Variants in TGFBR3 observed in about 807,000 individuals in gnomAD.
The protein encoded by TGFBR3 is transforming growth factor beta receptor 3, also known as transforming growth factor beta receptor type 3.
TGFBR3 carries 46 observed loss-of-function variants against 87.9 expected under a neutral mutation model. That is an observed-to-expected ratio of 0.52 (90% CI 0.41 to 0.67). The LOEUF is 0.67. Among genes scored for constraint, TGFBR3 ranks in the 30% least tolerant of loss-of-function variants. The pLI is 0.00. For synonymous variants in TGFBR3, 381 were observed against 391.6 expected (o/e 0.97, Z 0.32); for missense variants, 866 against 1,041.9 (o/e 0.83, Z 2.32).
At chr1:91,685,813 T>C (rs1416275675) in intron 16 of TGFBR3, among the ~76,000 whole-genome samples, 1 of 152,160 alleles carries the variant, frequency 6.6e-6, no homozygotes, top group Admixed American at 6.5e-5. Flanking sequence ...TTAACTATTC[T>C]GAGGTCAAAA....
At chr1:91,864,192 T>C (rs1053176765) in intron 1 of TGFBR3, 3 of 152,248 alleles carry the variant, frequency 2.0e-5, no homozygotes, top group African/African-American at 4.8e-5. Flanking sequence ...GAATATTTAA[T>C]GAGCTTGCGT....
At chr1:91,826,848 T>A (rs1676658497) in intron 2 of TGFBR3, among the ~76,000 whole-genome samples, 1 of 151,974 alleles carries the variant, frequency 6.6e-6, no homozygotes, top group African/African-American at 2.4e-5. Flanking sequence ...GGGTCTCATT[T>A]CCTCCCGTCA....
rs1362998231 is a variant in TGFBR3, at chr1:91,864,078, GAC to G, written c.-113-2436_-113-2435del. The G allele has an allele frequency of 2.0e-5, 3 of 152,290 alleles. No individual in the cohort carries two copies. In the East Asian group the frequency reaches 5.8e-4, roughly 29 times the overall value. The allele number at this position is 152,290 out of a possible 1,614,324, so 9.4% of individuals were successfully genotyped here. On this transcript the variant is annotated intron_variant, in intron 1 of 16. Transcript: ENST00000212355. ...ATATGCTATTTCAGCAAATGTTAAA[GAC>G]AACTTTTATAAAGCAAATCCCTGTA...
chr1:91,748,320 T>A (rs1673417479), intron 4 of TGFBR3, among the ~76,000 whole-genome samples: 1 of 152,160 alleles, frequency 6.6e-6, no homozygotes, highest in African/African-American at 2.4e-5. Flanking sequence ...ATATTTAGCA[T>A]CAATTAACAA....
chr1:91,757,541 G>C (rs1673790871), intron 4 of TGFBR3, among the ~76,000 whole-genome samples: 1 of 152,060 alleles, frequency 6.6e-6, no homozygotes, highest in African/African-American at 2.4e-5. Context: ...TTCTTGCCTG[G>C]TCAACTTTTA....
At chr1:91,770,548 T>G (rs1674342233) in intron 3 of TGFBR3, among the ~76,000 whole-genome samples, 1 of 152,208 alleles carries the variant, frequency 6.6e-6, no homozygotes, top group Non-Finnish European at 1.5e-5. Context: ...TATGATTAAT[T>G]TAATTATTAA....
At chr1:91,751,135 G>A (rs185468089) in intron 4 of TGFBR3, among the ~76,000 whole-genome samples, 5 of 152,202 alleles carry the variant, frequency 3.3e-5, no homozygotes, top group East Asian at 3.9e-4. Context: ...CATCATACCC[G>A]GTATGCTAAT....
At chr1:91,737,044 A>C (rs1022562145) in intron 4 of TGFBR3, among the ~76,000 whole-genome samples, 1 of 152,198 alleles carries the variant, frequency 6.6e-6, no homozygotes, top group Non-Finnish European at 1.5e-5. Flanking sequence ...GCCGTGATGA[A>C]GCTGGTGATG....
chr1:91,810,731 T>C (rs538971041), intron 2 of TGFBR3, among the ~76,000 whole-genome samples: 1 of 152,318 alleles, frequency 6.6e-6, no homozygotes, highest in East Asian at 1.9e-4. Flanking sequence ...GGCAGCTACT[T>C]AGCCATTCCC....
intron 3 of TGFBR3, among the ~76,000 whole-genome samples, chr1:91,775,049 T>C (rs1674521092): frequency 6.6e-6 from 1 of 152,212 alleles, no homozygotes; most frequent in Non-Finnish European, 1.5e-5. Flanking sequence ...GGTCATGAGT[T>C]GCCCAAGTTC....
At chr1:91,724,160 T>C (rs903715373) in intron 7 of TGFBR3, among the ~76,000 whole-genome samples, 1 of 152,122 alleles carries the variant, frequency 6.6e-6, no homozygotes, top group African/African-American at 2.4e-5. Context: ...GTTTAATAGA[T>C]TCAGAATATT....
Position 91,683,786 on chromosome 1 carries a change from T to A in TGFBR3, c.2509A>T (p.Ile837Phe), listed in dbSNP as rs566457282. The A allele has an allele frequency of 1.9e-6, 3 of 1,606,730 alleles. No homozygotes were observed. The highest frequency in any genetic ancestry group is 2.5e-6 in the Non-Finnish European group (3 of 1,177,504). ...ASENSSAAHS[I>F]GSTQSTPCSS... The stretch of plus-strand genomic sequence containing the variant: ...CAAGGCGTGCTCTGCGTGCTGCCGA[T>A]GCTGTGGGCAGCACTGCTGTTTTCC... Residue 837 changes from isoleucine to phenylalanine, a missense_variant, in exon 17 of 17, where the codon ATC (isoleucine) becomes TTC (phenylalanine). Physicochemically the swap from Ile to Phe is conservative, Grantham distance 21. Coordinates refer to ENST00000212355, the MANE Select transcript of TGFBR3 (RefSeq NM_003243.5).
intron 2 of TGFBR3, among the ~76,000 whole-genome samples, chr1:91,843,930 A>T (rs1322003723): frequency 1.3e-5 from 2 of 152,220 alleles, no homozygotes; most frequent in East Asian, 3.9e-4. Flanking sequence ...CAGAGGGTAA[A>T]ATCTCTACAA....
intron 3 of TGFBR3, among the ~76,000 whole-genome samples, chr1:91,790,993 G>C (rs1675169782): frequency 6.6e-6 from 1 of 152,124 alleles, no homozygotes; most frequent in African/African-American, 2.4e-5. Context: ...GTGGAAATGG[G>C]GAAGGATTAC....
intron 1 of TGFBR3, chr1:91,866,881 G>A (rs772185174): frequency 3.3e-5 from 5 of 152,272 alleles, no homozygotes; most frequent in Non-Finnish European, 7.3e-5. Flanking sequence ...TCAAGGAGGG[G>A]TTTAAACAGG....
intron 4 of TGFBR3, among the ~76,000 whole-genome samples, chr1:91,751,136 G>A (rs188892878): frequency 6.6e-6 from 1 of 152,182 alleles, no homozygotes; most frequent in Non-Finnish European, 1.5e-5. Flanking sequence ...ATCATACCCG[G>A]TATGCTAATT....
At chr1:91,807,458 C>T (rs1174370651) in intron 2 of TGFBR3, among the ~76,000 whole-genome samples, 1 of 152,188 alleles carries the variant, frequency 6.6e-6, no homozygotes, top group Non-Finnish European at 1.5e-5. Flanking sequence ...GGGCCAAAAG[C>T]CAGTGCATAT....
chr1:91,827,668 G>C (rs1333605211), intron 2 of TGFBR3, among the ~76,000 whole-genome samples: 1 of 152,114 alleles, frequency 6.6e-6, no homozygotes, highest in South Asian at 2.1e-4. Context: ...CACAGTCCCT[G>C]GCACACAGTA....
chr1:91,883,452 C>T (rs1265624738), intron 1 of TGFBR3, among the ~76,000 whole-genome samples: 1 of 152,188 alleles, frequency 6.6e-6, no homozygotes, highest in African/African-American at 2.4e-5. Context: ...ATCTAGTCCT[C>T]CATTATAAAC....
Sources: gnomAD v4.1 joint callset for allele counts (sites outside exome capture counted in the v4.1 genomes callset) on GRCh38, gnomAD v4.1.1 for gene constraint, MANE v1.5 for transcripts, NCBI Gene and HGNC (gene_info 2026-07-23, HGNC 2026-07-21) for gene names.